Variants in GRID2 observed in about 807,000 individuals in gnomAD.
The protein encoded by GRID2 is glutamate ionotropic receptor delta type subunit 2.
Under a neutral mutation model 114.8 loss-of-function variants are expected in GRID2, and 33 were observed. The observed-to-expected ratio is 0.29, with a 90% CI of 0.22 to 0.38. GRID2 has a LOEUF of 0.38. GRID2 is among the 10% of genes least tolerant of loss of function. The pLI, the probability that GRID2 is intolerant of heterozygous loss-of-function variation, is 1.00. For missense variants in GRID2, 1,184 were observed against 1,257.7 expected (o/e 0.94, Z 0.89); for synonymous variants, 505 against 449.9 (o/e 1.12, Z -1.55).
intron 13 of GRID2, among the ~76,000 whole-genome samples, chr4:93,615,872 C>G (rs1308387265): frequency 6.6e-6 from 1 of 151,700 alleles, no homozygotes; most frequent in African/African-American, 2.4e-5. Context: ...TGGTTTTTTT[C>G]AAAAATCATC....
intron 1 of GRID2, among the ~76,000 whole-genome samples, chr4:92,545,951 T>C (rs1178217585): frequency 2.6e-5 from 4 of 152,196 alleles, no homozygotes; most frequent in Non-Finnish European, 5.9e-5. Context: ...AATGCAACTT[T>C]ATTCTAGGAG....
intron 2 of GRID2, among the ~76,000 whole-genome samples, chr4:92,638,395 G>C (rs942917082): frequency 6.7e-6 from 1 of 148,426 alleles, no homozygotes; most frequent in Non-Finnish European, 1.5e-5. Context: ...TGTTAAATAA[G>C]ACTAATACTA....
At chr4:93,740,507 C>T (rs192096793) in intron 14 of GRID2, among the ~76,000 whole-genome samples, 4 of 152,322 alleles carry the variant, frequency 2.6e-5, no homozygotes, top group African/African-American at 9.6e-5. Context: ...GTCTCAATCA[C>T]TTACGTTAAA....
chr4:93,185,337 A>T (rs2149440437), intron 4 of GRID2, among the ~76,000 whole-genome samples: 1 of 152,252 alleles, frequency 6.6e-6, no homozygotes, highest in Non-Finnish European at 1.5e-5. Flanking sequence ...TTCCCCTAAG[A>T]TCTTTTATTT....
intron 4 of GRID2, among the ~76,000 whole-genome samples, chr4:93,131,596 T>G (rs1734807370): frequency 9.8e-6 from 1 of 102,280 alleles, no homozygotes; most frequent in African/African-American, 5.1e-5. Context: ...AATTAAAAAT[T>G]AAAAATTTTA....
intron 8 of GRID2, among the ~76,000 whole-genome samples, chr4:93,352,576 G>A (rs916124758): frequency 2.0e-5 from 3 of 151,988 alleles, no homozygotes; most frequent in Non-Finnish European, 4.4e-5. Flanking sequence ...CTAGCAAGTG[G>A]TGTCCCTGTA....
rs56978248 is a variant in GRID2, at chr4:93,239,351, G to GTCTA, written c.1245+879_1245+882dup. On this transcript the variant is annotated intron_variant, in intron 8 of 15. Transcript: ENST00000282020. ...TTGCTATCTATCTATCTATGTATCT[G>GTCTA]TCTATCTATCTATCTATCTATATTT... 7.5e-3 allele frequency among the ~76,000 whole-genome samples: 1,087 copies of GTCTA among 145,810 alleles called. 10 individuals carry two copies. Among genetic ancestry groups the GTCTA allele is most frequent in the African/African-American group, 0.024 (970 of 39,604 alleles).
chr4:92,632,175 G>A (rs950627136), intron 2 of GRID2, among the ~76,000 whole-genome samples: 7 of 152,020 alleles, frequency 4.6e-5, no homozygotes, highest in Non-Finnish European at 8.8e-5. Flanking sequence ...ATATCTTTTA[G>A]CATCCTTGCT....
intron 2 of GRID2, among the ~76,000 whole-genome samples, chr4:92,790,041 A>C (rs1045022741): frequency 9.9e-5 from 15 of 151,842 alleles, no homozygotes; most frequent in African/African-American, 3.6e-4. Flanking sequence ...CAGATTTTCT[A>C]TGTTATTTTT....
intron 8 of GRID2, among the ~76,000 whole-genome samples, chr4:93,281,725 T>C (rs942935847): frequency 2.6e-5 from 4 of 152,006 alleles, no homozygotes; most frequent in African/African-American, 9.7e-5. Context: ...TATAAGAAGT[T>C]CCTTCTTGCT....
At chr4:92,487,155 AT>A (rs1432612926) in intron 1 of GRID2, among the ~76,000 whole-genome samples, 1 of 151,498 alleles carries the variant, frequency 6.6e-6, no homozygotes, top group African/African-American at 2.4e-5. Flanking sequence ...TGCGTTTCTG[AT>A]TTATATTTCA....
chr4:92,918,012 C>A (rs1012575403), intron 2 of GRID2, among the ~76,000 whole-genome samples: 1 of 152,074 alleles, frequency 6.6e-6, no homozygotes, highest in African/African-American at 2.4e-5. Flanking sequence ...TTGTTTGTAT[C>A]CTCTTTTATT....
intron 14 of GRID2, among the ~76,000 whole-genome samples, chr4:93,677,148 T>C (rs1001755634): frequency 6.6e-6 from 1 of 151,908 alleles, no homozygotes; most frequent in African/African-American, 2.4e-5. Flanking sequence ...GCTCGGAGGG[T>C]CCTATGCCCA....
intron 14 of GRID2, among the ~76,000 whole-genome samples, chr4:93,656,761 C>T (rs1384561634): frequency 8.8e-6 from 1 of 114,062 alleles, no homozygotes; most frequent in Non-Finnish European, 1.8e-5. Flanking sequence ...ACCCGGGAGG[C>T]AGAGCTTGCC....
chr4:92,749,838 A>G (rs1334578101), intron 2 of GRID2, among the ~76,000 whole-genome samples: 2 of 151,914 alleles, frequency 1.3e-5, no homozygotes, highest in Non-Finnish European at 2.9e-5. Context: ...AGACATCTCC[A>G]GGCACCTCAC....
intron 2 of GRID2, among the ~76,000 whole-genome samples, chr4:92,600,635 C>T (rs1729177840): frequency 6.6e-6 from 1 of 152,146 alleles, no homozygotes. Flanking sequence ...TCAGGCCCCT[C>T]TTCTGTAGGG....
At chr4:93,532,163 T>C (rs1731514072) in intron 13 of GRID2, among the ~76,000 whole-genome samples, 1 of 152,146 alleles carries the variant, frequency 6.6e-6, no homozygotes, top group Non-Finnish European at 1.5e-5. Flanking sequence ...TGTTAAAATA[T>C]GGAAAATGTA....
chr4:92,804,300 C>T (rs193270818), intron 2 of GRID2, among the ~76,000 whole-genome samples: 3 of 151,900 alleles, frequency 2.0e-5, no homozygotes, highest in African/African-American at 7.3e-5. Flanking sequence ...TTTTACAAAA[C>T]ATTTCAAAGG....
intron 14 of GRID2, among the ~76,000 whole-genome samples, chr4:93,719,328 T>G (rs1177036258): frequency 6.6e-6 from 1 of 151,992 alleles, no homozygotes; most frequent in East Asian, 1.9e-4. Flanking sequence ...TGCAAATTTG[T>G]GAAAAGTTAT....
Sources: allele counts gnomAD v4.1 joint callset (sites outside exome capture counted in the v4.1 genomes callset), GRCh38; gene constraint gnomAD v4.1.1; transcripts MANE v1.5; gene names NCBI Gene and HGNC (gene_info 2026-07-23, HGNC 2026-07-21).